Variants in RFTN1 observed in about 807,000 individuals in gnomAD.
The protein encoded by RFTN1 is raftlin, lipid raft linker 1, also known as raftlin.
Under a neutral mutation model 46.5 loss-of-function variants are expected in RFTN1, and 26 were observed. That is an observed-to-expected ratio of 0.56 (90% CI 0.41 to 0.78). The LOEUF (loss-of-function observed/expected upper bound fraction) is 0.78, where lower values mean the gene tolerates loss of function less well. Among genes scored for constraint, RFTN1 ranks in the 30% least tolerant of loss-of-function variants. The probability of loss-of-function intolerance (pLI) is 0.00; values close to 1 mark genes in which losing one functional copy is unlikely to be tolerated. For synonymous variants in RFTN1, 261 were observed against 284.2 expected, an observed-to-expected ratio of 0.92 and a Z score of 0.82; for missense variants, 693 against 718.7, an observed-to-expected ratio of 0.96 and a Z score of 0.41.
At chr3:16,493,658 C>A in intron 2 of RFTN1, 67 bp downstream of exon 2, 1 of 1,355,068 alleles carries the variant, frequency 7.4e-7, no homozygotes, top group South Asian at 1.3e-5. Flanking sequence ...CAACTGCACC[C>A]CCATCCCCTG....
Position 16,400,701 on chromosome 3 carries a change from C to T in RFTN1, c.441+8674G>A, listed in dbSNP as rs933198707. Among the ~76,000 whole-genome samples the T allele has an allele frequency of 3.3e-5, 5 of 152,170 alleles. No homozygotes were observed. The East Asian group carries it at 5.8e-4, about 18-fold the overall frequency. The stretch of plus-strand genomic sequence containing the variant: ...AAGCGTATGACCCCTTCCCTCCCTC[C>T]GGCTTAAATTAACTTCAGCGAACCT... On this transcript the variant is annotated intron_variant, in intron 4 of 9. Coordinates refer to ENST00000334133, the MANE Select transcript of RFTN1 (RefSeq NM_015150.2). This position sits in a 1 kb window ranked among gnomAD's most constrained non-coding sequence, Gnocchi z 4.5.
rs1275284379 is a variant in RFTN1, at chr3:16,446,283, AG to A, written c.146-12247del. Among the ~76,000 whole-genome samples the A allele has an allele frequency of 2.7e-5, 4 of 148,942 alleles. No individual in the cohort carries two copies. The South Asian group carries it at 8.3e-4, about 31-fold the overall frequency. Reference sequence around the variant, plus strand: ...CCAGTGTAAAGCTCAGAGGAAACCTAGAAACCTTTAAAAAAAAAAAAACTGT... The same window carrying A: ...CCAGTGTAAAGCTCAGAGGAAACCTAAAACCTTTAAAAAAAAAAAAACTGT... On this transcript the variant is annotated intron_variant, in intron 2 of 9. Coordinates refer to ENST00000334133, the MANE Select transcript of RFTN1 (RefSeq NM_015150.2). This position sits in a 1 kb window ranked among gnomAD's most constrained non-coding sequence, Gnocchi z 4.5.
chr3:16,377,203 G>C (rs2073808500), intron 5 of RFTN1, among the ~76,000 whole-genome samples: 1 of 152,042 alleles, frequency 6.6e-6, no homozygotes, highest in Non-Finnish European at 1.5e-5. Flanking sequence ...GAAAGACCAA[G>C]CAGAGAGGCG....
At chr3:16,324,226 C>T (rs910339354) in intron 8 of RFTN1, among the ~76,000 whole-genome samples, 3 of 152,010 alleles carry the variant, frequency 2.0e-5, no homozygotes, top group Non-Finnish European at 1.5e-5. Flanking sequence ...ACAATGTGGA[C>T]TGATTAAATC....
chr3:16,491,778 C>CAA (rs375549645), intron 2 of RFTN1, among the ~76,000 whole-genome samples: 7 of 144,826 alleles, frequency 4.8e-5, no homozygotes, highest in African/African-American at 1.8e-4. Flanking sequence ...ACAAAACAAA[C>CAA]AAAAAAAAAA....
intron 6 of RFTN1, among the ~76,000 whole-genome samples, chr3:16,365,845 A>C (rs539203777): frequency 6.6e-6 from 1 of 152,232 alleles, no homozygotes; most frequent in African/African-American, 2.4e-5. Context: ...CTGCAGAATA[A>C]GAGGCTAGGT....
At position 16,400,058 on chromosome 3, in the gene RFTN1, A is replaced by C. The variant is rs1471645772; in HGVS notation, c.441+9317T>G. Among the ~76,000 whole-genome samples the C allele has an allele frequency of 1.3e-5, 2 of 152,134 alleles. No homozygotes were observed. Among genetic ancestry groups the C allele is most frequent in the Non-Finnish European group, 2.9e-5 (2 of 68,020 alleles). On this transcript the variant is annotated intron_variant, in intron 4 of 9. Transcript: ENST00000334133. The surrounding 1 kb of genome is among the most constrained non-coding windows in gnomAD (Gnocchi z 4.5). ...CCATTCTGATCTTTCCAAAGTATAC[A>C]TTTAGGAATCATTCTCCAGCTGCTC...
Position 16,323,452 on chromosome 3 carries a change from C to T in RFTN1, c.1256G>A (p.Gly419Glu). 6.2e-7 allele frequency: 1 copy of T among 1,610,516 alleles called. No individual in the cohort carries two copies. The highest frequency in any genetic ancestry group is 8.5e-7 in the Non-Finnish European group (1 of 1,177,038). ...GACAATCTGCTTGGTGGATACACTC[C>T]CCTCGCTGTAACACACGGAGCTGAG... The part of the protein sequence containing the change: ...PTPVVKTTSE[G>E]SVSTKQIVFL... Residue 419 changes from glycine to glutamate, a missense_variant, in exon 9 of 10, where the codon GGG (glycine) becomes GAG (glutamate). Physicochemically the swap from Gly to Glu is moderately conservative, Grantham distance 98. Transcript: ENST00000334133.
Position 16,493,839 on chromosome 3 carries a change from G to A in RFTN1, c.31C>T (p.Arg11Cys), listed in dbSNP as rs762194006. The change falls in exon 2 of 10, where the codon CGT becomes TGT. Residue 11 changes from arginine to cysteine, a missense_variant. By Grantham distance (180) the Arg-to-Cys change is radical (BLOSUM62 -3). Transcript: ENST00000334133. ...ATATTCCCAGGCCGTTTTTCATCACGTTTCTCTAACTTGTTCAATCCGCAA... is the reference window on the plus strand; with the variant it reads ...ATATTCCCAGGCCGTTTTTCATCACATTTCTCTAACTTGTTCAATCCGCAA... Reference protein sequence around the residue: MGCGLNKLEKRDEKRPGNIYS... With the variant: MGCGLNKLEKCDEKRPGNIYS... The A allele has an allele frequency of 8.1e-6, 13 of 1,613,948 alleles. No individual in the cohort carries two copies. Among genetic ancestry groups the A allele is most frequent in the Admixed American group, 3.3e-5 (2 of 59,990 alleles).
intron 4 of RFTN1, among the ~76,000 whole-genome samples, chr3:16,389,590 C>T (rs1214159678): frequency 6.6e-6 from 1 of 152,134 alleles, no homozygotes; most frequent in Non-Finnish European, 1.5e-5. Flanking sequence ...ATATTCAATA[C>T]TGAATTTATT....
Position 16,380,242 on chromosome 3 carries a change from G to A in RFTN1, c.442-2140C>T, listed in dbSNP as rs574305591. On this transcript the variant is annotated intron_variant, in intron 4 of 9. Transcript: ENST00000334133. This position sits in a 1 kb window ranked among gnomAD's most constrained non-coding sequence, Gnocchi z 4.8. ...CTCAGTTTTCTCATGTATAAAATGAGTGAAAACACACTTATTTTGCAGTTG... is the reference window on the plus strand; with the variant it reads ...CTCAGTTTTCTCATGTATAAAATGAATGAAAACACACTTATTTTGCAGTTG... Among the ~76,000 whole-genome samples the A allele has an allele frequency of 6.6e-6, 1 of 152,322 alleles. No individual in the cohort carries two copies. The highest frequency in any genetic ancestry group is 2.1e-4 in the South Asian group (1 of 4,822).
chr3:16,509,444 G>C lies in RFTN1; in HGVS notation c.-9+3998C>G, dbSNP rs576428207. ...AAGCTTCAATTTCCTCAGGGCTGAAGTGAAGATAATATAAGTACTCGCCTC... is the reference window on the plus strand; with the variant it reads ...AAGCTTCAATTTCCTCAGGGCTGAACTGAAGATAATATAAGTACTCGCCTC... On this transcript the variant is annotated intron_variant, in intron 1 of 9. Transcript: ENST00000334133. This position sits in a 1 kb window ranked among gnomAD's most constrained non-coding sequence, Gnocchi z 4.9. Among the ~76,000 whole-genome samples the C allele has an allele frequency of 6.6e-6, 1 of 152,312 alleles. No homozygotes were observed. Among genetic ancestry groups the C allele is most frequent in the South Asian group, 2.1e-4 (1 of 4,826 alleles).
chr3:16,397,259 A>C lies in RFTN1; in HGVS notation c.441+12116T>G, dbSNP rs557924099. Among the ~76,000 whole-genome samples, 6 of 152,088 alleles carry C rather than the reference A, an allele frequency of 3.9e-5. No homozygotes were observed. The South Asian group carries it at 1.2e-3, about 32-fold the overall frequency. ...AAATAAGGCAGACACGAAATGAAAA[A>C]TAGTGCATGATCTCACTTATATGTG... On this transcript the variant is annotated intron_variant, in intron 4 of 9. Coordinates refer to ENST00000334133, the MANE Select transcript of RFTN1 (RefSeq NM_015150.2).
chr3:16,501,874 G>A (rs529239300), intron 1 of RFTN1, among the ~76,000 whole-genome samples: 15 of 152,284 alleles, frequency 9.9e-5, no homozygotes, highest in African/African-American at 3.4e-4. Flanking sequence ...TGTACCCGTC[G>A]AAAGTGTTCC....
intron 3 of RFTN1, chr3:16,416,253 T>G (rs1404261608): frequency 4.4e-6 from 2 of 455,648 alleles, no homozygotes; most frequent in African/African-American, 4.0e-5. Context: ...ACTCGAATCC[T>G]TAGAGTGTAG....
At chr3:16,488,051 C>T (rs1038797258) in intron 2 of RFTN1, among the ~76,000 whole-genome samples, 4 of 151,748 alleles carry the variant, frequency 2.6e-5, no homozygotes, top group African/African-American at 4.8e-5. Flanking sequence ...AACAACAGCA[C>T]TGAGCTTTAA....
Position 16,322,056 on chromosome 3 carries a change from G to A in RFTN1, c.1332+1320C>T, listed in dbSNP as rs143782458. Among the ~76,000 whole-genome samples the A allele has an allele frequency of 9.2e-5, 14 of 152,294 alleles. No homozygotes were observed. The highest frequency in any genetic ancestry group is 2.0e-4 in the Admixed American group (3 of 15,296). On this transcript the variant is annotated intron_variant, in intron 9 of 9. Transcript: ENST00000334133. This position sits in a 1 kb window ranked among gnomAD's most constrained non-coding sequence, Gnocchi z 6.2. ...TCAGCATCTGACAGGGGCCCTTTGC[G>A]TGCTGTGTGTTGAATGTTGCACTTG...
In RFTN1 at chr3:16,499,323, C is replaced by A. The variant is rs144550098; in HGVS notation, c.-8-5446G>T. On this transcript the variant is annotated intron_variant, in intron 1 of 9. Transcript: ENST00000334133. The surrounding 1 kb of genome is among the most constrained non-coding windows in gnomAD (Gnocchi z 4.9). Reference sequence around the variant, plus strand: ...TGACCAATAGAATATGACGGAATAACACAGTTCCAGTTTCTGGACCCAGCT... The same window carrying A: ...TGACCAATAGAATATGACGGAATAAAACAGTTCCAGTTTCTGGACCCAGCT... 1.3e-5 allele frequency among the ~76,000 whole-genome samples: 2 copies of A among 152,298 alleles called. No homozygotes were observed. The highest frequency in any genetic ancestry group is 4.8e-5 in the African/African-American group (2 of 41,568).
rs1352981603 is a variant in RFTN1, at chr3:16,356,110, C to T, written c.1146+1822G>A. ...TTCACCACCACCTGGAGCCTTCACTCCACCACACGTGATGGGCCATGTGAC... is the reference window on the plus strand; with the variant it reads ...TTCACCACCACCTGGAGCCTTCACTTCACCACACGTGATGGGCCATGTGAC... On this transcript the variant is annotated intron_variant, in intron 7 of 9. Coordinates refer to ENST00000334133, the MANE Select transcript of RFTN1 (RefSeq NM_015150.2). The surrounding 1 kb of genome is among the most constrained non-coding windows in gnomAD (Gnocchi z 4.9). 4.6e-5 allele frequency among the ~76,000 whole-genome samples: 7 copies of T among 152,236 alleles called. No individual in the cohort carries two copies.
Sources: allele counts gnomAD v4.1 joint callset (sites outside exome capture counted in the v4.1 genomes callset), GRCh38; gene constraint gnomAD v4.1.1; non-coding constraint Gnocchi (gnomAD v3.1); transcripts MANE v1.5; gene names NCBI Gene and HGNC (gene_info 2026-07-23, HGNC 2026-07-21).